Variants in CACNA2D3 observed in about 807,000 individuals in gnomAD.
CACNA2D3 encodes the protein voltage-dependent calcium channel subunit alpha-2/delta-3.
CACNA2D3 carries 60 observed loss-of-function variants against 160.6 expected under a neutral mutation model. The observed-to-expected ratio is 0.37, with a 90% CI of 0.30 to 0.46. The LOEUF (loss-of-function observed/expected upper bound fraction) is 0.46. Among genes scored for constraint, CACNA2D3 ranks in the 20% least tolerant of loss-of-function variants. The probability of loss-of-function intolerance (pLI) is 1.00; values close to 1 mark genes in which losing one functional copy is unlikely to be tolerated. For missense variants in CACNA2D3, 1,205 were observed against 1,365.0 expected (o/e 0.88, Z 1.85); for synonymous variants, 558 against 492.9 (o/e 1.13, Z -1.75).
chr3:54,561,417 C>T (rs543367009), intron 5 of CACNA2D3, among the ~76,000 whole-genome samples: 5 of 152,306 alleles, frequency 3.3e-5, no homozygotes, highest in Non-Finnish European at 5.9e-5. Context: ...ATATTTTGCA[C>T]ATTGATGTTG....
At chr3:54,350,707 C>G (rs1698536834) in intron 3 of CACNA2D3, among the ~76,000 whole-genome samples, 1 of 152,130 alleles carries the variant, frequency 6.6e-6, no homozygotes, top group Non-Finnish European at 1.5e-5. Flanking sequence ...GGCAAATGCT[C>G]CACAAGAGTG....
At chr3:54,944,948 G>A (rs1462230409) in intron 27 of CACNA2D3, among the ~76,000 whole-genome samples, 1 of 152,116 alleles carries the variant, frequency 6.6e-6, no homozygotes, top group African/African-American at 2.4e-5. Context: ...ACTTTTAAGA[G>A]TGAGGCACTA....
At chr3:55,018,745 A>C (rs1463588648) in intron 35 of CACNA2D3, among the ~76,000 whole-genome samples, 3 of 152,036 alleles carry the variant, frequency 2.0e-5, no homozygotes, top group Non-Finnish European at 4.4e-5. Flanking sequence ...CTGACTGCTA[A>C]TGAGGTTGAG....
intron 21 of CACNA2D3, among the ~76,000 whole-genome samples, chr3:54,883,274 G>A (rs1022792326): frequency 2.6e-5 from 4 of 152,050 alleles, no homozygotes; most frequent in Non-Finnish European, 4.4e-5. Context: ...TGCCTTCCTC[G>A]GCCTCCGAAA....
intron 11 of CACNA2D3, among the ~76,000 whole-genome samples, chr3:54,660,749 C>G (rs1055474968): frequency 6.6e-6 from 1 of 152,156 alleles, no homozygotes; most frequent in African/African-American, 2.4e-5. Flanking sequence ...GCACGCCAGG[C>G]CCTGGCTCCT....
chr3:54,930,736 C>T (rs1364638070), intron 27 of CACNA2D3, among the ~76,000 whole-genome samples: 1 of 152,188 alleles, frequency 6.6e-6, no homozygotes, highest in Non-Finnish European at 1.5e-5. Context: ...ACCTACCTCG[C>T]CGGAGGCAGG....
chr3:54,322,886 T>C (rs1002120907), intron 3 of CACNA2D3, among the ~76,000 whole-genome samples: 1 of 152,188 alleles, frequency 6.6e-6, no homozygotes, highest in African/African-American at 2.4e-5. Flanking sequence ...AGTTGCTCTG[T>C]TTAAATTGAA....
chr3:54,233,733 C>A (rs1289851660), intron 2 of CACNA2D3, among the ~76,000 whole-genome samples: 3 of 152,088 alleles, frequency 2.0e-5, no homozygotes, highest in Non-Finnish European at 4.4e-5. Flanking sequence ...AATCTGAATC[C>A]CTTCACAGGT....
At position 54,896,822 on chromosome 3, in the gene CACNA2D3, G is replaced by T; in HGVS notation, c.2320G>T (p.Ala774Ser). Residue 774 changes from alanine (A) to serine (S), a missense_variant, in exon 26 of 38, where the codon GCT (alanine) becomes TCT (serine). By Grantham distance (99) the Ala-to-Ser change is moderately conservative. Transcript: ENST00000474759. ...TTTCCCTCTCTGGTACCGAAGAGCCGCTGAGCAGATTCCAGGGAGCTTCGT... is the reference window on the plus strand; with the variant it reads ...TTTCCCTCTCTGGTACCGAAGAGCCTCTGAGCAGATTCCAGGGAGCTTCGT... ...DHFPLWYRRA[A>S]EQIPGSFVYS... The T allele has an allele frequency of 1.2e-6, 2 of 1,613,998 alleles. No homozygotes were observed. The highest frequency in any genetic ancestry group is 1.7e-6 in the Non-Finnish European group (2 of 1,179,876).
At chr3:54,689,010 A>AAAAAAAAAAAAG (rs1553785965) in intron 11 of CACNA2D3, among the ~76,000 whole-genome samples, 1 of 85,496 alleles carries the variant, frequency 1.2e-5, no homozygotes. Flanking sequence ...AAAAAAAAAA[A>AAAAAAAAAAAAG]AGAATGAGGT....
chr3:54,671,034 A>C (rs1219859504), intron 11 of CACNA2D3, among the ~76,000 whole-genome samples: 1 of 152,194 alleles, frequency 6.6e-6, no homozygotes, highest in Non-Finnish European at 1.5e-5. Flanking sequence ...CAACTTGTCT[A>C]GTGGAGGTTT....
At chr3:54,270,641 T>G (rs1702603314) in intron 2 of CACNA2D3, among the ~76,000 whole-genome samples, 1 of 152,216 alleles carries the variant, frequency 6.6e-6, no homozygotes, top group South Asian at 2.1e-4. Context: ...TCTATGATCA[T>G]CATTAGCACA....
At chr3:54,446,292 G>A (rs1052038867) in intron 4 of CACNA2D3, among the ~76,000 whole-genome samples, 1 of 152,036 alleles carries the variant, frequency 6.6e-6, no homozygotes, top group Non-Finnish European at 1.5e-5. Context: ...TGGCCAATTT[G>A]GTCAAGAACT....
At chr3:54,442,798 T>G (rs1700164515) in intron 4 of CACNA2D3, among the ~76,000 whole-genome samples, 1 of 152,182 alleles carries the variant, frequency 6.6e-6, no homozygotes, top group East Asian at 1.9e-4. Flanking sequence ...GCCCTGCCTA[T>G]GTACAGCACT....
intron 2 of CACNA2D3, among the ~76,000 whole-genome samples, chr3:54,278,686 G>T (rs1017179536): frequency 6.6e-6 from 1 of 152,140 alleles, no homozygotes; most frequent in African/African-American, 2.4e-5. Flanking sequence ...CCTTTGCAGG[G>T]ACATGGATGA....
intron 2 of CACNA2D3, among the ~76,000 whole-genome samples, chr3:54,215,586 C>G (rs1003604418): frequency 6.6e-6 from 1 of 151,870 alleles, no homozygotes; most frequent in African/African-American, 2.4e-5. Flanking sequence ...CATGCATTGC[C>G]CAGGAAATGT....
At chr3:55,070,615 G>A (rs1055555459) in intron 35 of CACNA2D3, among the ~76,000 whole-genome samples, 1 of 152,088 alleles carries the variant, frequency 6.6e-6, no homozygotes, top group East Asian at 1.9e-4. Flanking sequence ...TGGACAAGGG[G>A]GAAGACAATG....
At chr3:54,391,134 C>T (rs1016678294) in intron 4 of CACNA2D3, among the ~76,000 whole-genome samples, 1 of 152,192 alleles carries the variant, frequency 6.6e-6, no homozygotes, top group Non-Finnish European at 1.5e-5. Context: ...AGACTGGAGA[C>T]GTTGCATCAT....
At chr3:54,790,929 C>G (rs1007635359) in intron 13 of CACNA2D3, among the ~76,000 whole-genome samples, 3 of 152,224 alleles carry the variant, frequency 2.0e-5, no homozygotes, top group Non-Finnish European at 4.4e-5. Context: ...AAAGCACCAT[C>G]TCCACAGTCA....
Sources: gnomAD v4.1 joint callset for allele counts (sites outside exome capture counted in the v4.1 genomes callset) on GRCh38, gnomAD v4.1.1 for gene constraint, MANE v1.5 for transcripts, NCBI Gene and HGNC (gene_info 2026-07-23, HGNC 2026-07-21) for gene names.